CEP112: variants seen among roughly 807,000 people sequenced by gnomAD.
CEP112 encodes centrosomal protein 112, also known as centrosomal protein of 112 kDa.
Under a neutral mutation model 153.0 loss-of-function variants are expected in CEP112, and 127 were observed. The observed-to-expected ratio is 0.83, with a 90% confidence interval of 0.72 to 0.96. The LOEUF is 0.96. CEP112 is among the 40% of genes least tolerant of loss of function. The probability of loss-of-function intolerance (pLI) is 0.00; values close to 1 mark genes in which losing one functional copy is unlikely to be tolerated. For missense variants in CEP112, 1,089 were observed against 1,101.2 expected (o/e 0.99, Z 0.16); for synonymous variants, 358 against 374.4 (o/e 0.96, Z 0.51).
chr17:65,861,891 G>T (rs935927490), intron 20 of CEP112, among the ~76,000 whole-genome samples: 1 of 152,164 alleles, frequency 6.6e-6, no homozygotes, highest in African/African-American at 2.4e-5. Context: ...TCTCTTACAC[G>T]TGAACACCAG....
chr17:65,902,928 G>C (rs773448427), intron 19 of CEP112, among the ~76,000 whole-genome samples: 6 of 152,166 alleles, frequency 3.9e-5, no homozygotes, highest in African/African-American at 1.4e-4. Context: ...TTCATAAAGA[G>C]CATTCTATTC....
At chr17:65,696,265 C>T (rs1353417035) in intron 23 of CEP112, among the ~76,000 whole-genome samples, 1 of 152,182 alleles carries the variant, frequency 6.6e-6, no homozygotes, top group Non-Finnish European at 1.5e-5. Context: ...TAGTGCCTGG[C>T]CTTTTCACAA....
At chr17:65,781,831 C>G (rs7224482) in intron 21 of CEP112, among the ~76,000 whole-genome samples, 75 of 152,044 alleles carry the variant, frequency 4.9e-4, no homozygotes, top group African/African-American at 1.7e-3. Context: ...AAATGGATCC[C>G]TTTTACCATA....
chr17:65,718,128 G>T (rs1598390303), intron 23 of CEP112, among the ~76,000 whole-genome samples: 1 of 152,264 alleles, frequency 6.6e-6, no homozygotes, highest in South Asian at 2.1e-4. Context: ...ATTTTTGGCT[G>T]GGCGCGGTGG....
intron 24 of CEP112, among the ~76,000 whole-genome samples, chr17:65,685,116 T>A (rs554303480): frequency 2.6e-5 from 4 of 152,320 alleles, no homozygotes; most frequent in South Asian, 4.1e-4. Flanking sequence ...AATGAGCACA[T>A]CTTCCCTGGG....
chr17:66,071,812 GA>G (rs897368637), intron 8 of CEP112, among the ~76,000 whole-genome samples: 3 of 152,110 alleles, frequency 2.0e-5, no homozygotes, highest in African/African-American at 7.2e-5. Flanking sequence ...ACAAAGATTA[GA>G]AATCACATAG....
At chr17:65,925,991 A>G (rs1480403807) in intron 19 of CEP112, among the ~76,000 whole-genome samples, 1 of 152,212 alleles carries the variant, frequency 6.6e-6, no homozygotes, top group Non-Finnish European at 1.5e-5. Flanking sequence ...AATTAATGGT[A>G]ATCTTAAGTA....
At chr17:65,764,944 G>T in intron 21 of CEP112, among the ~76,000 whole-genome samples, 1 of 133,980 alleles carries the variant, frequency 7.5e-6, no homozygotes, top group Admixed American at 7.8e-5. Flanking sequence ...GTTTTGCTTT[G>T]TGGTTACCAC....
At chr17:66,116,892 G>C (rs2069323437) in intron 6 of CEP112, among the ~76,000 whole-genome samples, 1 of 143,926 alleles carries the variant, frequency 6.9e-6, no homozygotes, top group African/African-American at 2.6e-5. Context: ...TTCTGAGACG[G>C]AGTCTCGCTC....
chr17:65,924,756 G>C (rs2060859576), intron 19 of CEP112, among the ~76,000 whole-genome samples: 1 of 152,044 alleles, frequency 6.6e-6, no homozygotes, highest in African/African-American at 2.4e-5. Context: ...GACAAATGGG[G>C]ATTTAGCTCA....
chr17:65,854,074 T>G (rs541984748), intron 20 of CEP112, among the ~76,000 whole-genome samples: 1 of 152,330 alleles, frequency 6.6e-6, no homozygotes, highest in East Asian at 1.9e-4. Flanking sequence ...ACTAACACAT[T>G]AGCCAGCAAT....
chr17:65,912,255 C>T (rs1356953340), intron 19 of CEP112, among the ~76,000 whole-genome samples: 1 of 152,130 alleles, frequency 6.6e-6, no homozygotes, highest in East Asian at 1.9e-4. Flanking sequence ...ACCTGAAGGG[C>T]CTGTCTAGCC....
At chr17:66,133,589 C>T (rs1013329086) in intron 4 of CEP112, among the ~76,000 whole-genome samples, 8 of 152,076 alleles carry the variant, frequency 5.3e-5, no homozygotes, top group Non-Finnish European at 1.0e-4. Context: ...TCTTAAATGG[C>T]CTCCTTTAGC....
intron 12 of CEP112, among the ~76,000 whole-genome samples, chr17:66,050,648 C>T (rs1732895496): frequency 6.6e-6 from 1 of 152,130 alleles, no homozygotes; most frequent in South Asian, 2.1e-4. Context: ...CCTAACACTC[C>T]AATTAAACAT....
intron 21 of CEP112, among the ~76,000 whole-genome samples, chr17:65,838,388 G>A (rs975006145): frequency 1.3e-5 from 2 of 152,126 alleles, no homozygotes; most frequent in Admixed American, 6.5e-5. Context: ...TTAAACAGCA[G>A]ACCCCTCAAT....
intron 24 of CEP112, among the ~76,000 whole-genome samples, chr17:65,681,020 A>C (rs1192362223): frequency 1.3e-5 from 2 of 152,216 alleles, no homozygotes; most frequent in Non-Finnish European, 2.9e-5. Context: ...GTGGGGACAC[A>C]AAGTCTAACC....
At chr17:65,735,340 T>C (rs1567936730) in intron 23 of CEP112, among the ~76,000 whole-genome samples, 1 of 152,162 alleles carries the variant, frequency 6.6e-6, no homozygotes, top group Non-Finnish European at 1.5e-5. Flanking sequence ...CTCATACTCA[T>C]ACAGACACAG....
In CEP112 at chr17:66,187,880, T is replaced by G. The variant is rs1259871295; in HGVS notation, c.-9+4117A>C. 1.3e-5 allele frequency among the ~76,000 whole-genome samples: 2 copies of G among 152,218 alleles called. 1 individual carries two copies. Among genetic ancestry groups the G allele is most frequent in the East Asian group, 3.9e-4 (2 of 5,190 alleles). ...GATGTTTTTCTCCATAAATCTATGA[T>G]GTACTCTGCTTGATGACATCATCAT... On this transcript the variant is annotated intron_variant, in intron 1 of 26. Transcript: ENST00000535342.
intron 17 of CEP112, among the ~76,000 whole-genome samples, chr17:65,965,517 C>CTTTTTTTTTTTTTTTTTTTTTT (rs1568303324): frequency 9.7e-6 from 1 of 102,822 alleles, no homozygotes; most frequent in African/African-American, 3.6e-5. Flanking sequence ...CCTTCTGCCC[C>CTTTTTTTTTTTTTTTTTTTTTT]CTTTTTTTTT....
Sources: gnomAD v4.1 joint callset for allele counts (sites outside exome capture counted in the v4.1 genomes callset) on GRCh38, gnomAD v4.1.1 for gene constraint, MANE v1.5 for transcripts, NCBI Gene and HGNC (gene_info 2026-07-23, HGNC 2026-07-21) for gene names.